The following TMED3 variants were observed in gnomAD, a reference collection of about 807,000 sequenced individuals.
TMED3 encodes transmembrane emp24 domain-containing protein 3.
In TMED3, 9 loss-of-function variants were observed where a neutral mutation model predicts 15.0. That is an observed-to-expected ratio of 0.60 (90% CI 0.36 to 1.04). TMED3 has a LOEUF of 1.04. Ranked by LOEUF, TMED3 falls within the 50% of genes least tolerant of loss-of-function variation. The pLI is 0.01. For synonymous variants in TMED3, 117 were observed against 121.4 expected, an observed-to-expected ratio of 0.96 and a Z score of 0.24; for missense variants, 267 against 278.9, an observed-to-expected ratio of 0.96 and a Z score of 0.30.
At chr15:79,392,551 T>G (rs1378265817) in intron 2 of TMED3, among the ~76,000 whole-genome samples, 1 of 152,222 alleles carries the variant, frequency 6.6e-6, no homozygotes, top group Non-Finnish European at 1.5e-5. Flanking sequence ...CATCTTAATT[T>G]TAGATAACCT....
rs1236810611 is a variant in TMED3 at position 79,321,967 on chromosome 15, T to C, written c.418-11T>C. Reference sequence around the variant, plus strand: ...GGTTAGCAGTGTGACTGCTTTTCTCTTCCTGCCCAGATGGAGTCCGCCTGC... The same window carrying C: ...GGTTAGCAGTGTGACTGCTTTTCTCCTCCTGCCCAGATGGAGTCCGCCTGC... On this transcript the variant is annotated splice_polypyrimidine_tract_variant and intron_variant, in intron 2 of 2. Coordinates refer to ENST00000299705, the MANE Select transcript of TMED3 (RefSeq NM_007364.4). 5.0e-6 allele frequency: 8 copies of C among 1,613,132 alleles called. No homozygotes were observed. In the African/African-American group the frequency reaches 6.7e-5, roughly 13 times the overall value.
chr15:79,337,929 G>A (rs1286528137), intron 2 of TMED3, among the ~76,000 whole-genome samples: 1 of 152,204 alleles, frequency 6.6e-6, no homozygotes, highest in Non-Finnish European at 1.5e-5. Context: ...ACAAAACGTT[G>A]CATGCTTGTA....
At chr15:79,356,389 A>G (rs1055703519) in intron 2 of TMED3, among the ~76,000 whole-genome samples, 6 of 152,300 alleles carry the variant, frequency 3.9e-5, no homozygotes, top group Non-Finnish European at 5.9e-5. Context: ...TGCTCAATAT[A>G]TATTTGGTGA....
At chr15:79,388,549 T>A (rs1190125465) in intron 2 of TMED3, among the ~76,000 whole-genome samples, 1 of 152,216 alleles carries the variant, frequency 6.6e-6, no homozygotes, top group African/African-American at 2.4e-5. Context: ...CAAATTGTTC[T>A]GCTATTAATA....
At chr15:79,360,194 G>A (rs1007442524) in intron 2 of TMED3, among the ~76,000 whole-genome samples, 1 of 152,162 alleles carries the variant, frequency 6.6e-6, no homozygotes, top group Admixed American at 6.5e-5. Context: ...AGGTGCAGGA[G>A]GACCCCCAAG....
downstream of TMED3, among the ~76,000 whole-genome samples, chr15:79,324,857 T>G (rs2058781726): frequency 6.6e-6 from 1 of 152,174 alleles, no homozygotes; most frequent in Non-Finnish European, 1.5e-5. Flanking sequence ...TGAATCCAGG[T>G]CTGCTATGTG....
chr15:79,399,993 A>G (rs1351549862), intron 2 of TMED3, among the ~76,000 whole-genome samples: 1 of 152,204 alleles, frequency 6.6e-6, no homozygotes, highest in Non-Finnish European at 1.5e-5. Context: ...TGCTGTCCAC[A>G]ACCCCTGTCC....
At chr15:79,408,586 C>G (rs949771183) in intron 2 of TMED3, among the ~76,000 whole-genome samples, 1 of 152,144 alleles carries the variant, frequency 6.6e-6, no homozygotes, top group Admixed American at 6.5e-5. Context: ...AATTGAGCCA[C>G]GGAGACAGAG....
chr15:79,334,415 C>T (rs1277249016), intron 2 of TMED3, among the ~76,000 whole-genome samples: 2 of 152,040 alleles, frequency 1.3e-5, no homozygotes, highest in Admixed American at 6.6e-5. Flanking sequence ...CAGGGGTGAC[C>T]CCTTCTCTTT....
At chr15:79,324,486 G>C (rs1189288122), downstream of TMED3, among the ~76,000 whole-genome samples, 2 of 152,150 alleles carry the variant, frequency 1.3e-5, no homozygotes, top group Admixed American at 6.5e-5. Context: ...AAATTTCTGA[G>C]CATTTATTTA....
chr15:79,316,311 G>A (rs991372866), intron 2 of TMED3, among the ~76,000 whole-genome samples: 1 of 152,212 alleles, frequency 6.6e-6, no homozygotes, highest in African/African-American at 2.4e-5. Flanking sequence ...AGGAGAATGC[G>A]ACTTCAGGAA....
intron 2 of TMED3, among the ~76,000 whole-genome samples, chr15:79,400,659 C>T (rs117335185): frequency 0.012 from 1,845 of 152,216 alleles, 84 homozygotes; most frequent in East Asian, 0.11. Flanking sequence ...CATTTTAGTA[C>T]AATTTTGTGT....
At chr15:79,407,830 C>T (rs909888668) in intron 2 of TMED3, among the ~76,000 whole-genome samples, 1 of 152,076 alleles carries the variant, frequency 6.6e-6, no homozygotes, top group Non-Finnish European at 1.5e-5. Flanking sequence ...GGGTAGTGGT[C>T]CATTGAGGAT....
chr15:79,409,116 A>G (rs1248846239), intron 2 of TMED3, among the ~76,000 whole-genome samples: 2 of 152,244 alleles, frequency 1.3e-5, no homozygotes, highest in African/African-American at 4.8e-5. Flanking sequence ...GAGGGCAACA[A>G]GAAGTCTTTA....
chr15:79,346,342 C>T (rs4260036), intron 2 of TMED3, among the ~76,000 whole-genome samples: 13 of 152,226 alleles, frequency 8.5e-5, no homozygotes, highest in African/African-American at 2.4e-4. Flanking sequence ...TCCCATGTGT[C>T]GTGGGAGGGA....
chr15:79,413,029 C>T (rs1894012975), exon 3 of TMED3: 1 of 152,102 alleles, frequency 6.6e-6, no homozygotes, highest in African/African-American at 2.4e-5. Flanking sequence ...AGCAAACCCT[C>T]AAGGTCATCA....
intron 2 of TMED3, among the ~76,000 whole-genome samples, chr15:79,377,328 G>A (rs1326201219): frequency 6.6e-6 from 1 of 150,976 alleles, no homozygotes; most frequent in Admixed American, 6.6e-5. Flanking sequence ...ATGTGGGGAG[G>A]GATTTTCAAG....
chr15:79,358,270 C>G (rs1893052652), intron 2 of TMED3, among the ~76,000 whole-genome samples: 1 of 152,240 alleles, frequency 6.6e-6, no homozygotes, highest in Admixed American at 6.5e-5. Flanking sequence ...GAGAAGCAGA[C>G]AGCTGCAAGG....
At chr15:79,411,269 A>C in intron 2 of TMED3, 1 of 567,366 alleles carries the variant, frequency 1.8e-6, no homozygotes, top group Non-Finnish European at 3.2e-6. Flanking sequence ...GCCAGCAATA[A>C]AGGTAAATTC....
Sources: gnomAD v4.1 joint callset for allele counts (sites outside exome capture counted in the v4.1 genomes callset) on GRCh38, gnomAD v4.1.1 for gene constraint, MANE v1.5 for transcripts, NCBI Gene and HGNC (gene_info 2026-07-23, HGNC 2026-07-21) for gene names.